The following DPP6 variants were observed in gnomAD, a reference collection of about 807,000 sequenced individuals.
DPP6 encodes the protein A-type potassium channel modulatory protein DPP6.
In DPP6, 69 loss-of-function variants were observed where a neutral mutation model predicts 122.6. That is an observed-to-expected ratio of 0.56 (90% CI 0.46 to 0.69). The LOEUF is 0.69. Among genes scored for constraint, DPP6 ranks in the 30% least tolerant of loss-of-function variants. The pLI is 0.00. For synonymous variants in DPP6, 418 were observed against 433.1 expected, an observed-to-expected ratio of 0.97 and a Z score of 0.43; for missense variants, 928 against 1,116.9, an observed-to-expected ratio of 0.83 and a Z score of 2.41.
intron 10 of DPP6, among the ~76,000 whole-genome samples, chr7:154,784,361 A>T (rs181322737): frequency 1.3e-5 from 2 of 152,202 alleles, no homozygotes; most frequent in Admixed American, 1.3e-4. Flanking sequence ...CCTTCTGTAA[A>T]ATTCAGAAGT....
chr7:154,299,164 A>G lies in DPP6; in HGVS notation c.244-147050A>G, dbSNP rs75832788. On this transcript the variant is annotated intron_variant, in intron 1 of 25. Transcript: ENST00000377770. ...TGGTGCACTTTATTTCTCTTCCTAG[A>G]CCCTTTCCTCTGTCTTCCCAGACCC... 4.7e-3 allele frequency among the ~76,000 whole-genome samples: 715 copies of G among 152,118 alleles called. 9 individuals are homozygous for G. Among genetic ancestry groups the G allele is most frequent in the East Asian group, 0.045 (234 of 5,166 alleles).
rs1389537785 is a variant in DPP6, at chr7:154,624,106, G to A, written c.628-13715G>A. Among the ~76,000 whole-genome samples the A allele has an allele frequency of 6.6e-6, 1 of 152,076 alleles. No homozygotes were observed. Among genetic ancestry groups the A allele is most frequent in the Non-Finnish European group, 1.5e-5 (1 of 68,034 alleles). On this transcript the variant is annotated intron_variant, in intron 5 of 25. Transcript: ENST00000377770. This position sits in a 1 kb window ranked among gnomAD's most constrained non-coding sequence, Gnocchi z 4.7. ...GCATTTGGAGAGGCCAAGGCGGGTGGATCATGAGATCAGGAGTTCAAGACC... is the reference window on the plus strand; with the variant it reads ...GCATTTGGAGAGGCCAAGGCGGGTGAATCATGAGATCAGGAGTTCAAGACC...
intron 1 of DPP6, among the ~76,000 whole-genome samples, chr7:154,008,806 C>T (rs1472009573): frequency 3.3e-5 from 5 of 150,642 alleles, no homozygotes; most frequent in Admixed American, 2.6e-4. Flanking sequence ...GGACTACAGG[C>T]GCCCGCCACT....
At chr7:153,857,589 G>T in the DPP6 span, among the ~76,000 whole-genome samples, 431 of 152,222 alleles carry the variant, frequency 2.8e-3, 1 homozygote, top group Middle Eastern at 0.02. Context: ...TAAGTTATTT[G>T]GGATGATGTT....
At chr7:154,134,631 C>T (rs1238889209) in intron 1 of DPP6, among the ~76,000 whole-genome samples, 1 of 152,178 alleles carries the variant, frequency 6.6e-6, no homozygotes, top group African/African-American at 2.4e-5. Flanking sequence ...CAATCTGGCC[C>T]TGCATGCTTC....
intron 1 of DPP6, among the ~76,000 whole-genome samples, chr7:153,949,827 G>A (rs1802124093): frequency 6.6e-6 from 1 of 152,190 alleles, no homozygotes; most frequent in Admixed American, 6.5e-5. Flanking sequence ...TGTAACAATT[G>A]TTGCTATCTA....
At chr7:153,815,520 C>T in the DPP6 span, among the ~76,000 whole-genome samples, 3 of 150,938 alleles carry the variant, frequency 2.0e-5, no homozygotes, top group Admixed American at 1.3e-4. Context: ...CCTCCCCCGT[C>T]CCCCCACCCC....
At chr7:153,859,398 A>G in the DPP6 span, among the ~76,000 whole-genome samples, 3 of 152,244 alleles carry the variant, frequency 2.0e-5, no homozygotes, top group Admixed American at 6.5e-5. Flanking sequence ...TAGTTATCAC[A>G]TGCCAATGAC....
chr7:153,900,867 A>C (rs989135692), intron 1 of DPP6, among the ~76,000 whole-genome samples: 1 of 152,228 alleles, frequency 6.6e-6, no homozygotes, highest in African/African-American at 2.4e-5. Context: ...AAAATAATTT[A>C]ACTTTCTTAC....
At position 154,694,622 on chromosome 7, in the gene DPP6, A is replaced by T. The variant is rs200529952; in HGVS notation, c.762+25181A>T. On this transcript the variant is annotated intron_variant, in intron 7 of 25. Coordinates refer to ENST00000377770, the MANE Select transcript of DPP6 (RefSeq NM_130797.4). ...AGTGAGACTCCATCTCAAAAAAAAA[A>T]CCAGAAGGCATAGGAATCTGGTATG... Among the ~76,000 whole-genome samples the T allele has an allele frequency of 4.6e-4, 70 of 150,770 alleles. 2 individuals carry two copies. The East Asian group carries it at 0.012, about 26-fold the overall frequency.
At chr7:154,517,362 G>A (rs1326120502) in intron 3 of DPP6, among the ~76,000 whole-genome samples, 1 of 152,142 alleles carries the variant, frequency 6.6e-6, no homozygotes, top group Non-Finnish European at 1.5e-5. Context: ...TCCTACAGAT[G>A]AGCTTCTCCA....
At chr7:154,071,766 T>C (rs1303049895) in intron 1 of DPP6, among the ~76,000 whole-genome samples, 1 of 152,234 alleles carries the variant, frequency 6.6e-6, no homozygotes, top group Non-Finnish European at 1.5e-5. Flanking sequence ...ACATAAGTTA[T>C]GTTCTAGGAT....
intron 1 of DPP6, among the ~76,000 whole-genome samples, chr7:153,958,375 G>A (rs1344516725): frequency 6.6e-6 from 1 of 152,152 alleles, no homozygotes; most frequent in Non-Finnish European, 1.5e-5. Context: ...GTAGAGAACA[G>A]GGAGGACCCC....
chr7:153,818,926 A>G, the DPP6 span, among the ~76,000 whole-genome samples: 1 of 151,300 alleles, frequency 6.6e-6, no homozygotes, highest in African/African-American at 2.4e-5. Context: ...TAATTTTTGT[A>G]TTTTTAGTAG....
At chr7:154,259,622 C>T (rs1388027393) in intron 1 of DPP6, among the ~76,000 whole-genome samples, 1 of 152,124 alleles carries the variant, frequency 6.6e-6, no homozygotes, top group Non-Finnish European at 1.5e-5. Context: ...GTGATAAATA[C>T]TGAGGAATGT....
At chr7:153,887,517 A>AGG in exon 1 of DPP6, 1 of 669,644 alleles carries the variant, frequency 1.5e-6, no homozygotes. Flanking sequence ...AGACACGGGC[A>AGG]GGGGTGCGCG....
chr7:154,735,351 G>A (rs1281726831), intron 8 of DPP6, among the ~76,000 whole-genome samples: 1 of 152,132 alleles, frequency 6.6e-6, no homozygotes, highest in Admixed American at 6.5e-5. Flanking sequence ...CAGAAATTGA[G>A]TACTTAAAAA....
chr7:154,254,350 A>G (rs1360038377), intron 1 of DPP6, among the ~76,000 whole-genome samples: 1 of 152,164 alleles, frequency 6.6e-6, no homozygotes, highest in Non-Finnish European at 1.5e-5. Context: ...TTTCACTGTA[A>G]TAATATGCAT....
In DPP6 at chr7:154,183,800, T is replaced by G. The variant is rs527942112; in HGVS notation, c.243+130737T>G. ...CACTTTCATACCCTAGAGCCAGGAC[T>G]CCAAAACCATGTGTCCAATGAATCA... On this transcript the variant is annotated intron_variant, in intron 1 of 25. Coordinates refer to ENST00000377770, the MANE Select transcript of DPP6 (RefSeq NM_130797.4). Among the ~76,000 whole-genome samples, 6 of 152,306 alleles carry G rather than the reference T, an allele frequency of 3.9e-5. No homozygotes were observed. In the East Asian group the frequency reaches 1.2e-3, roughly 29 times the overall value.
Sources: gnomAD v4.1 joint callset for allele counts (sites outside exome capture counted in the v4.1 genomes callset) on GRCh38, gnomAD v4.1.1 for gene constraint, Gnocchi (gnomAD v3.1) non-coding constraint, MANE v1.5 for transcripts, NCBI Gene and HGNC (gene_info 2026-07-23, HGNC 2026-07-21) for gene names.